PEX14: variants seen among roughly 807,000 people sequenced by gnomAD.
PEX14 encodes peroxisomal biogenesis factor 14.
A neutral mutation model predicts 49.5 loss-of-function variants in PEX14; 15 were observed. The observed-to-expected ratio is 0.30, with a 90% CI of 0.20 to 0.47. The LOEUF (loss-of-function observed/expected upper bound fraction) is 0.47. Among genes scored for constraint, PEX14 ranks in the 20% least tolerant of loss-of-function variants. The pLI, the probability that PEX14 is intolerant of heterozygous loss-of-function variation, is 1.00. For missense variants in PEX14, 398 were observed against 494.8 expected (o/e 0.80, Z 1.86); for synonymous variants, 210 against 212.7 (o/e 0.99, Z 0.11).
At chr1:10,625,182 C>G (rs1357988099) in intron 7 of PEX14, among the ~76,000 whole-genome samples, 2 of 152,224 alleles carry the variant, frequency 1.3e-5, no homozygotes, top group African/African-American at 4.8e-5. Context: ...CTCCAGCCAG[C>G]TCGCAGGATT....
intron 3 of PEX14, among the ~76,000 whole-genome samples, chr1:10,581,491 A>T (rs1445682517): frequency 6.6e-6 from 1 of 151,430 alleles, no homozygotes; most frequent in African/African-American, 2.4e-5. Flanking sequence ...TTTTTAGTAG[A>T]GACAGGATTT....
In PEX14 at chr1:10,520,148, C is replaced by CTTTTTTTTTTTTTTT. The variant is rs565247030; in HGVS notation, c.85-16051_85-16050insTTTTTTTTTTTTTTT. On this transcript the variant is annotated intron_variant, in intron 2 of 8. Coordinates refer to ENST00000356607, the MANE Select transcript of PEX14 (RefSeq NM_004565.3). ...AGCTGTTGTGCCTGGCCTTCTTCTT[C>CTTTTTTTTTTTTTTT]TTTTTTTTTTTTTTGTTTTTTTAAC... Among the ~76,000 whole-genome samples, 128 of 69,166 alleles carry CTTTTTTTTTTTTTTT rather than the reference C, an allele frequency of 1.9e-3. 8 individuals carry two copies. Among genetic ancestry groups the CTTTTTTTTTTTTTTT allele is most frequent in the African/African-American group, 3.1e-3 (74 of 23,546 alleles). 45.4% of individuals were successfully genotyped at this position (69,166 alleles called of 152,430 possible).
intron 2 of PEX14, among the ~76,000 whole-genome samples, chr1:10,509,699 T>G (rs941277944): frequency 6.6e-6 from 1 of 152,214 alleles, no homozygotes; most frequent in Non-Finnish European, 1.5e-5. Context: ...TTTGGTTTAA[T>G]GTACAATTGA....
intron 2 of PEX14, among the ~76,000 whole-genome samples, chr1:10,507,946 G>A (rs2124429778): frequency 6.6e-6 from 1 of 152,316 alleles, no homozygotes; most frequent in African/African-American, 2.4e-5. Flanking sequence ...CTTACTTGTT[G>A]CCAAGAGCTA....
intron 3 of PEX14, among the ~76,000 whole-genome samples, chr1:10,576,495 G>A (rs1300420269): frequency 6.6e-6 from 1 of 152,038 alleles, no homozygotes; most frequent in Admixed American, 6.6e-5. Context: ...TCCACATTTC[G>A]TTTTAGTTTT....
intron 3 of PEX14, among the ~76,000 whole-genome samples, chr1:10,575,743 A>C (rs568375617): frequency 6.6e-6 from 1 of 152,198 alleles, no homozygotes; most frequent in African/African-American, 2.4e-5. Context: ...AGGAATTAGA[A>C]AAAAAATGGT....
chr1:10,579,212 T>G (rs1640238894), intron 3 of PEX14, among the ~76,000 whole-genome samples: 1 of 151,994 alleles, frequency 6.6e-6, no homozygotes, highest in Admixed American at 6.5e-5. Context: ...TCAGAGACAG[T>G]GTAGCACACG....
intron 3 of PEX14, among the ~76,000 whole-genome samples, chr1:10,587,186 G>T (rs1230014004): frequency 6.6e-6 from 1 of 152,136 alleles, no homozygotes; most frequent in African/African-American, 2.4e-5. Context: ...GCTGTGTGTG[G>T]TGGCTCACGC....
chr1:10,579,626 T>A (rs1487676744), intron 3 of PEX14, among the ~76,000 whole-genome samples: 1 of 152,128 alleles, frequency 6.6e-6, no homozygotes, highest in African/African-American at 2.4e-5. Flanking sequence ...TTTTTATGGT[T>A]ATTTCTTGAT....
In PEX14 at chr1:10,497,536, G is replaced by GA. The variant is rs1252641752; in HGVS notation, c.84+2219dup. ...TAATTCACGTGTTTTACTTTGGGAAGAAAAGGCATTTATACATATGAAATA... is the reference window on the plus strand; with the variant it reads ...TAATTCACGTGTTTTACTTTGGGAAGAAAAAGGCATTTATACATATGAAATA... On this transcript the variant is annotated intron_variant, in intron 2 of 8. Coordinates refer to ENST00000356607, the MANE Select transcript of PEX14 (RefSeq NM_004565.3). Among the ~76,000 whole-genome samples the GA allele has an allele frequency of 3.3e-5, 5 of 151,900 alleles. No homozygotes were observed. In the East Asian group the frequency reaches 9.8e-4, roughly 30 times the overall value.
intron 2 of PEX14, among the ~76,000 whole-genome samples, chr1:10,531,222 T>C (rs1196516163): frequency 6.6e-6 from 1 of 152,198 alleles, no homozygotes. Flanking sequence ...CCGTTGCATT[T>C]TTTCACGAGT....
chr1:10,627,463 A>G, intron 8 of PEX14, 100 bp downstream of exon 8: 2 of 842,234 alleles, frequency 2.4e-6, no homozygotes, highest in Non-Finnish European at 4.1e-6. Flanking sequence ...CCCACCCCCA[A>G]GGACCCCATC....
At chr1:10,612,786 C>T (rs1357414623) in intron 4 of PEX14, among the ~76,000 whole-genome samples, 2 of 152,250 alleles carry the variant, frequency 1.3e-5, no homozygotes. Flanking sequence ...CAGGACCTTA[C>T]TGGGAGTGAG....
intron 7 of PEX14, 104 bp from the exon 8 acceptor site, chr1:10,627,168 C>T (rs564403720): frequency 6.9e-5 from 55 of 802,448 alleles, no homozygotes; most frequent in Non-Finnish European, 1.2e-4. Flanking sequence ...CAGAACAGAC[C>T]CAGAAGGCCC....
chr1:10,594,030 C>T (rs781196774), intron 3 of PEX14, among the ~76,000 whole-genome samples: 3 of 152,198 alleles, frequency 2.0e-5, no homozygotes, highest in Non-Finnish European at 2.9e-5. Context: ...TTAGTTTTTA[C>T]AGTGTCGTCA....
intron 3 of PEX14, among the ~76,000 whole-genome samples, chr1:10,561,261 A>T (rs1237673369): frequency 2.0e-5 from 3 of 152,190 alleles, no homozygotes; most frequent in Admixed American, 2.0e-4. Flanking sequence ...ACATTTTCCC[A>T]GTTGCCCCCA....
At chr1:10,504,120 G>A (rs1228526523) in intron 2 of PEX14, among the ~76,000 whole-genome samples, 2 of 152,180 alleles carry the variant, frequency 1.3e-5, no homozygotes, top group South Asian at 2.1e-4. Flanking sequence ...ATATGATCTT[G>A]TAGTTAGTCC....
intron 3 of PEX14, among the ~76,000 whole-genome samples, chr1:10,566,420 G>A (rs193255142): frequency 2.0e-5 from 3 of 151,862 alleles, no homozygotes; most frequent in Admixed American, 2.0e-4. Context: ...TTTGAAATTT[G>A]TCTTGACTTT....
In PEX14 at chr1:10,630,175, G is replaced by A. The variant is rs968809120; in HGVS notation, c.*188G>A. On this transcript the variant is annotated 3_prime_UTR_variant, in exon 9 of 9. Transcript: ENST00000356607. The surrounding 1 kb of genome is among the most constrained non-coding windows in gnomAD (Gnocchi z 4.1). ...ACTTCTGTCCACCTGGCCTCCTCTC[G>A]CCTGGCCGCCAGCCCCAGCCCCAGC... 27 of 905,046 alleles carry A rather than the reference G, an allele frequency of 3.0e-5. No individual in the cohort carries two copies. The highest frequency in any genetic ancestry group is 8.8e-5 in the South Asian group (5 of 56,858). The allele number at this position is 905,046 out of a possible 1,614,324, so 56.1% of individuals were successfully genotyped here.
Sources: allele counts gnomAD v4.1 joint callset (sites outside exome capture counted in the v4.1 genomes callset), GRCh38; gene constraint gnomAD v4.1.1; non-coding constraint Gnocchi (gnomAD v3.1); transcripts MANE v1.5; gene names NCBI Gene and HGNC (gene_info 2026-07-23, HGNC 2026-07-21).